The following SRGAP2B variants were observed in gnomAD, a reference collection of about 807,000 sequenced individuals.
The protein encoded by SRGAP2B is SLIT-ROBO Rho GTPase-activating protein 2B.
A neutral mutation model predicts 22.2 loss-of-function variants in SRGAP2B; 9 were observed. That is an observed-to-expected ratio of 0.41 (90% CI 0.24 to 0.71). SRGAP2B has a LOEUF of 0.71. Ranked by LOEUF, SRGAP2B falls within the 30% of genes least tolerant of loss-of-function variation. SRGAP2B has a pLI of 0.35. For missense variants in SRGAP2B, 114 were observed against 235.8 expected, an observed-to-expected ratio of 0.48 and a Z score of 3.38; for synonymous variants, 36 against 87.4, an observed-to-expected ratio of 0.41 and a Z score of 3.28.
chr1:144,969,163 CA>C lies in SRGAP2B; in HGVS notation c.261-13563del. 3.5e-5 allele frequency among the ~76,000 whole-genome samples: 4 copies of C among 113,068 alleles called. No individual in the cohort carries two copies. The Middle Eastern group carries it at 0.013, about 356-fold the overall frequency. 74.2% of individuals were successfully genotyped at this position (113,068 alleles called of 152,430 possible). A position where few individuals can be genotyped will look rare whatever the true frequency, so the allele number is the denominator to read the frequency against. ...AACTACTTTAAAGTTCATATGGAAC[CA>C]AAAAAGAGCCCGCATCGCCAAGTCA... On this transcript the variant is annotated intron_variant, in intron 3 of 9. Transcript: ENST00000612199.
intron 7 of SRGAP2B, 126 bp downstream of exon 7, chr1:144,904,965 G>C: frequency 3.6e-6 from 2 of 551,344 alleles, no homozygotes; most frequent in African/African-American, 2.7e-5. Context: ...GTTGGATCAT[G>C]GCTGCTATCT....
chr1:144,931,727 A>G (rs1341401193), intron 4 of SRGAP2B, among the ~76,000 whole-genome samples: 2 of 148,156 alleles, frequency 1.3e-5, no homozygotes, highest in Admixed American at 6.7e-5. Context: ...CCCTGGCCAC[A>G]GTGCAGATGG....
At position 144,907,249 on chromosome 1, in the gene SRGAP2B, T is replaced by TAC. The variant is rs1663063939; in HGVS notation, c.487-1177_487-1176dup. ...AATAAACATTGTGTACCATGGGCTT[T>TAC]ACGTACATTACCTCATTTAATTCTT... On this transcript the variant is annotated intron_variant, in intron 5 of 9. Transcript: ENST00000612199. 1.1e-4 allele frequency among the ~76,000 whole-genome samples: 16 copies of TAC among 150,720 alleles called. No homozygotes were observed. In the South Asian group the frequency reaches 3.4e-3, roughly 32 times the overall value.
intron 3 of SRGAP2B, among the ~76,000 whole-genome samples, chr1:144,964,584 C>T (rs1327040177): frequency 6.6e-6 from 1 of 150,886 alleles, no homozygotes; most frequent in Non-Finnish European, 1.5e-5. Flanking sequence ...TTAGCGAGTT[C>T]AGGTCCTTAA....
chr1:145,044,936 C>T (rs868958833), intron 2 of SRGAP2B, among the ~76,000 whole-genome samples: 974 of 147,346 alleles, frequency 6.6e-3, no homozygotes, highest in African/African-American at 0.024. Context: ...AGATCTGAGG[C>T]TACCTATAGA....
At chr1:144,950,851 T>A (rs1666801252) in intron 4 of SRGAP2B, among the ~76,000 whole-genome samples, 1 of 150,728 alleles carries the variant, frequency 6.6e-6, no homozygotes, top group South Asian at 2.1e-4. Context: ...TCTCTCTCTC[T>A]CTCTTCTTTT....
intron 3 of SRGAP2B, among the ~76,000 whole-genome samples, chr1:144,992,272 C>T (rs1450526284): frequency 4.6e-5 from 7 of 150,930 alleles, no homozygotes; most frequent in South Asian, 2.1e-4. Context: ...TAACACTCAC[C>T]GCGAGGGTCC....
intron 3 of SRGAP2B, among the ~76,000 whole-genome samples, chr1:144,974,984 G>T (rs1553613960): frequency 1.3e-5 from 2 of 148,498 alleles, no homozygotes; most frequent in African/African-American, 5.2e-5. Flanking sequence ...AACTGGCAAG[G>T]GTCTCAATCC....
intron 3 of SRGAP2B, among the ~76,000 whole-genome samples, chr1:144,963,164 A>C (rs1252547690): frequency 1.3e-5 from 2 of 150,826 alleles, no homozygotes; most frequent in African/African-American, 5.0e-5. Context: ...CCAGAACTAT[A>C]GGGAGGAATG....
At chr1:144,944,586 CAAA>C (rs3061760) in intron 4 of SRGAP2B, among the ~76,000 whole-genome samples, 5 of 17,922 alleles carry the variant, frequency 2.8e-4, no homozygotes, top group African/African-American at 1.1e-3. Context: ...GTCTCCATCT[CAAA>C]AAAAAAAAAA....
At chr1:145,019,987 TG>T (rs1199152508) in intron 2 of SRGAP2B, among the ~76,000 whole-genome samples, 1 of 151,154 alleles carries the variant, frequency 6.6e-6, no homozygotes, top group African/African-American at 2.5e-5. Context: ...GCCTTTAAAC[TG>T]GCTGTTTCCT....
At chr1:144,953,241 A>G in intron 4 of SRGAP2B, among the ~76,000 whole-genome samples, 1 of 150,160 alleles carries the variant, frequency 6.7e-6, no homozygotes, top group South Asian at 2.1e-4. Flanking sequence ...TATATAAAGT[A>G]TGAAACCAAG....
chr1:145,071,249 GGAAGA>G (rs1247009309), intron 2 of SRGAP2B, among the ~76,000 whole-genome samples: 1 of 88,326 alleles, frequency 1.1e-5, no homozygotes, highest in South Asian at 4.6e-4. Flanking sequence ...AGAGGAATGA[GGAAGA>G]GAAAAGTACA....
chr1:144,920,887 C>T (rs1235925738), intron 4 of SRGAP2B, among the ~76,000 whole-genome samples: 1 of 150,300 alleles, frequency 6.7e-6, no homozygotes, highest in African/African-American at 2.5e-5. Flanking sequence ...AATAACTTGC[C>T]GTCTTGAAGT....
Position 144,942,544 on chromosome 1 carries a change from T to G in SRGAP2B, c.423+12895A>C, listed in dbSNP as rs587736575. On this transcript the variant is annotated intron_variant, in intron 4 of 9. Transcript: ENST00000612199. ...AAGTGATTCTCCTCCCTAAGCCTCCTGAGTAGCTGAGATTACAGGAATACA... is the reference window on the plus strand; with the variant it reads ...AAGTGATTCTCCTCCCTAAGCCTCCGGAGTAGCTGAGATTACAGGAATACA... 1.3e-3 allele frequency among the ~76,000 whole-genome samples: 194 copies of G among 150,918 alleles called. 3 individuals carry two copies. The highest frequency in any genetic ancestry group is 4.6e-3 in the African/African-American group (188 of 40,448).
chr1:144,998,910 A>G (rs1187815172), intron 2 of SRGAP2B, among the ~76,000 whole-genome samples: 1 of 151,024 alleles, frequency 6.6e-6, no homozygotes, highest in Non-Finnish European at 1.5e-5. Flanking sequence ...AAGGGGCAGG[A>G]AACAATGGGC....
At chr1:144,929,379 C>T (rs1665012992) in intron 4 of SRGAP2B, among the ~76,000 whole-genome samples, 1 of 149,758 alleles carries the variant, frequency 6.7e-6, no homozygotes, top group Non-Finnish European at 1.5e-5. Flanking sequence ...AAATCATTGC[C>T]TAATCCAAGA....
intron 4 of SRGAP2B, 33 bp downstream of exon 4, chr1:144,955,406 C>T (rs782548839): frequency 1.0e-5 from 16 of 1,582,744 alleles, no homozygotes; most frequent in Non-Finnish European, 1.4e-5. Context: ...CATTGCTCCA[C>T]CCAAGAACCT....
chr1:144,942,418 T>G (rs1251269465), intron 4 of SRGAP2B, among the ~76,000 whole-genome samples: 1 of 148,072 alleles, frequency 6.8e-6, no homozygotes, highest in East Asian at 2.0e-4. Context: ...TTATTTTATT[T>G]ATTTATTTAT....
Sources: allele counts gnomAD v4.1 joint callset (sites outside exome capture counted in the v4.1 genomes callset), GRCh38; gene constraint gnomAD v4.1.1; transcripts MANE v1.5; gene names NCBI Gene and HGNC (gene_info 2026-07-23, HGNC 2026-07-21).